The following WDFY3 variants were observed in gnomAD, a reference collection of about 807,000 sequenced individuals.
WDFY3 encodes the protein WD repeat and FYVE domain-containing protein 3.
A neutral mutation model predicts 409.6 loss-of-function variants in WDFY3; 66 were observed. The ratio of observed to expected loss-of-function variants is 0.16; its 90% confidence interval spans 0.13 to 0.20. The LOEUF (loss-of-function observed/expected upper bound fraction) is 0.20. WDFY3 is among the 10% of genes least tolerant of loss of function. The pLI is 1.00. For synonymous variants in WDFY3, 1,521 were observed against 1,537.1 expected (o/e 0.99, Z 0.25); for missense variants, 3,031 against 4,298.1 (o/e 0.71, Z 8.24).
intron 3 of WDFY3, among the ~76,000 whole-genome samples, chr4:84,869,351 T>G (rs1404094380): frequency 6.6e-6 from 1 of 152,162 alleles, no homozygotes; most frequent in African/African-American, 2.4e-5. Context: ...TTAATTCTCA[T>G]CAGTATCTTC....
intron 62 of WDFY3, among the ~76,000 whole-genome samples, chr4:84,687,026 G>T (rs539643004): frequency 5.9e-5 from 9 of 152,190 alleles, no homozygotes; most frequent in African/African-American, 1.9e-4. Context: ...ATAACTTCTG[G>T]ATCTGTTTTG....
At chr4:84,888,022 G>T (rs1278038794) in intron 3 of WDFY3, among the ~76,000 whole-genome samples, 1 of 152,146 alleles carries the variant, frequency 6.6e-6, no homozygotes, top group African/African-American at 2.4e-5. Flanking sequence ...CTCATGAGCG[G>T]TATCTTGGCA....
At chr4:84,954,002 C>T (rs1276991661) in intron 1 of WDFY3, among the ~76,000 whole-genome samples, 2 of 152,118 alleles carry the variant, frequency 1.3e-5, no homozygotes, top group African/African-American at 2.4e-5. Flanking sequence ...ATCTACCTAT[C>T]TTATCTCCAC....
intron 1 of WDFY3, among the ~76,000 whole-genome samples, chr4:84,933,415 A>G (rs1230075108): frequency 6.6e-6 from 1 of 152,190 alleles, no homozygotes; most frequent in Non-Finnish European, 1.5e-5. Context: ...TTTTACCTGT[A>G]CATAGTAAAT....
rs1725615807 is a variant in WDFY3, at chr4:84,672,776, A to C, written c.*92T>G. 6.5e-7 allele frequency: 1 copy of C among 1,541,078 alleles called. No homozygotes were observed. Among genetic ancestry groups the C allele is most frequent in the African/African-American group, 1.4e-5 (1 of 72,510 alleles). ...AAACACGTGGTATGAAGAGATGTGTAAACGGAGACTGTTTTCAATGCCTTC... is the reference window on the plus strand; with the variant it reads ...AAACACGTGGTATGAAGAGATGTGTCAACGGAGACTGTTTTCAATGCCTTC... On this transcript the variant is annotated 3_prime_UTR_variant, in exon 68 of 68. Coordinates refer to ENST00000295888, the MANE Select transcript of WDFY3 (RefSeq NM_014991.6).
chr4:84,762,729 C>T (rs1035266874), intron 32 of WDFY3, among the ~76,000 whole-genome samples: 1 of 152,186 alleles, frequency 6.6e-6, no homozygotes, highest in South Asian at 2.1e-4. Flanking sequence ...AATGAAACTG[C>T]CACATTTCTG....
intron 21 of WDFY3, among the ~76,000 whole-genome samples, chr4:84,790,588 C>A (rs1748351543): frequency 6.6e-6 from 1 of 151,918 alleles, no homozygotes; most frequent in African/African-American, 2.4e-5. Flanking sequence ...CTAGTTGACA[C>A]CCAAAACAAA....
chr4:84,743,795 G>A lies in WDFY3; in HGVS notation c.5978C>T (p.Ser1993Phe), dbSNP rs1402466739. Residue 1993 changes from serine to phenylalanine, a missense_variant, in exon 37 of 68, where the codon TCC becomes TTC. Ser to Phe is a radical substitution (Grantham distance 155). Transcript: ENST00000295888. ...CTGAGTTCTTGTAGACCTTTCAGGG[G>A]AAGCCTAATCAAGAAAATTTAGAAT... is the stretch of plus-strand genomic sequence containing the variant. ...TPLIDLLLEA[S>F]PERSTRTQQK... 2.6e-6 allele frequency: 4 copies of A among 1,560,092 alleles called. No individual in the cohort carries two copies. The highest frequency in any genetic ancestry group is 3.5e-6 in the Non-Finnish European group (4 of 1,150,710).
In WDFY3 at chr4:84,801,767, G is replaced by A; in HGVS notation, c.2705C>T (p.Ala902Val). The A allele has an allele frequency of 6.2e-7, 1 of 1,614,092 alleles. No homozygotes were observed. Among genetic ancestry groups the A allele is most frequent in the Non-Finnish European group, 8.5e-7 (1 of 1,180,034 alleles). Residue 902 changes from alanine (A) to valine (V), a missense_variant, in exon 17 of 68, where the codon GCA becomes GTA. Coordinates refer to ENST00000295888, the MANE Select transcript of WDFY3 (RefSeq NM_014991.6). ...AGCACTGCACCTCTGCAGCAGTCGT[G>A]CATGAAGACCAGCTTCACACATGAC... ...QQVMCEAGLH[A>V]RLLQRCSAAL...
intron 2 of WDFY3, among the ~76,000 whole-genome samples, chr4:84,927,414 C>A (rs766549810): frequency 2.0e-5 from 3 of 152,018 alleles, no homozygotes; most frequent in African/African-American, 4.8e-5. Context: ...AACTATACAG[C>A]CTTCCATAAG....
chr4:84,858,417 A>G (rs1760071563), intron 4 of WDFY3, among the ~76,000 whole-genome samples: 1 of 152,186 alleles, frequency 6.6e-6, no homozygotes, highest in South Asian at 2.1e-4. Flanking sequence ...AACATGAGAC[A>G]TACTAAAAAA....
In WDFY3 at chr4:84,867,164, C is replaced by T. The variant is rs766803142; in HGVS notation, c.-31-6542G>A. Among the ~76,000 whole-genome samples, 17 of 152,282 alleles carry T rather than the reference C, an allele frequency of 1.1e-4. 1 individual carries two copies. The highest frequency in any genetic ancestry group is 6.8e-3 in the Middle Eastern group (2 of 294). ...ACTAGTTACATTCAATAAATGTTATCTTTTCTTCCTTTACCTTGATCATGA... is the reference window on the plus strand; with the variant it reads ...ACTAGTTACATTCAATAAATGTTATTTTTTCTTCCTTTACCTTGATCATGA... On this transcript the variant is annotated intron_variant, in intron 3 of 67. Coordinates refer to ENST00000295888, the MANE Select transcript of WDFY3 (RefSeq NM_014991.6).
chr4:84,900,303 G>A (rs1766180812), intron 2 of WDFY3, among the ~76,000 whole-genome samples: 1 of 151,986 alleles, frequency 6.6e-6, no homozygotes, highest in Non-Finnish European at 1.5e-5. Context: ...ATAGCTCACT[G>A]CACCCTCGAA....
chr4:84,769,718 G>A (rs140266760), intron 30 of WDFY3, among the ~76,000 whole-genome samples: 33 of 152,134 alleles, frequency 2.2e-4, no homozygotes, highest in Admixed American at 1.4e-3. Context: ...CACCGCGCCC[G>A]GCCTGCTTTT....
Position 84,679,128 on chromosome 4 carries a change from G to A in WDFY3, c.9938C>T (p.Ala3313Val), listed in dbSNP as rs781232834. ...GGCGGCTGTTGCGCGGCAGGAGGCT[G>A]CCCGGGGCCTGTGGCTGGTGCTGCT... ...QPSSTSHRPRAASCRATAAWC... is the reference protein window; with the variant it reads ...QPSSTSHRPRVASCRATAAWC... The change falls in exon 65 of 68, where the codon GCA becomes GTA. Residue 3313 changes from alanine (A) to valine (V), a missense_variant. Ala to Val is a moderately conservative substitution (Grantham distance 64, BLOSUM62 0). Coordinates refer to ENST00000295888, the MANE Select transcript of WDFY3 (RefSeq NM_014991.6). 1 of 1,614,186 alleles carries A rather than the reference G, an allele frequency of 6.2e-7. No homozygotes were observed. The highest frequency in any genetic ancestry group is 8.5e-7 in the Non-Finnish European group (1 of 1,180,034).
intron 2 of WDFY3, among the ~76,000 whole-genome samples, chr4:84,900,862 A>G (rs1321080989): frequency 6.6e-6 from 1 of 152,254 alleles, no homozygotes. Flanking sequence ...ACTTTTGAAA[A>G]CAGCATGATA....
chr4:84,814,299 T>C (rs773361212), intron 13 of WDFY3, among the ~76,000 whole-genome samples: 35 of 152,172 alleles, frequency 2.3e-4, no homozygotes, highest in Non-Finnish European at 1.2e-4. Flanking sequence ...TTTATTTGCC[T>C]TCCCACAAGT....
At chr4:84,889,949 T>C (rs552084242) in intron 3 of WDFY3, among the ~76,000 whole-genome samples, 120 of 152,294 alleles carry the variant, frequency 7.9e-4, no homozygotes, top group Non-Finnish European at 1.4e-3. Flanking sequence ...ATGGTGGGGA[T>C]TGCAGCTCAA....
At chr4:84,856,918 C>T (rs1362097844) in intron 4 of WDFY3, among the ~76,000 whole-genome samples, 4 of 151,930 alleles carry the variant, frequency 2.6e-5, no homozygotes, top group African/African-American at 7.3e-5. Flanking sequence ...CAAGCACAAA[C>T]GGCCAAATGT....
Sources: allele counts gnomAD v4.1 joint callset (sites outside exome capture counted in the v4.1 genomes callset), GRCh38; gene constraint gnomAD v4.1.1; transcripts MANE v1.5; gene names NCBI Gene and HGNC (gene_info 2026-07-23, HGNC 2026-07-21).